ALK: variants seen among roughly 807,000 people sequenced by gnomAD.
ALK encodes ALK tyrosine kinase receptor.
Under a neutral mutation model 163.1 loss-of-function variants are expected in ALK, and 74 were observed. The observed-to-expected ratio is 0.45, with a 90% CI of 0.38 to 0.55. The LOEUF (loss-of-function observed/expected upper bound fraction) is 0.55, where lower values mean the gene tolerates loss of function less well. ALK is among the 20% of genes least tolerant of loss of function. The probability of loss-of-function intolerance (pLI) is 0.00; values close to 1 mark genes in which losing one functional copy is unlikely to be tolerated. For missense variants in ALK, 2,063 were observed against 2,105.3 expected, an observed-to-expected ratio of 0.98 and a Z score of 0.39; for synonymous variants, 960 against 843.2, an observed-to-expected ratio of 1.14 and a Z score of -2.40.
intron 3 of ALK, among the ~76,000 whole-genome samples, chr2:29,601,575 A>G (rs142154475): frequency 1.3e-5 from 2 of 152,208 alleles, no homozygotes; most frequent in East Asian, 3.9e-4. Context: ...TTTTTTCTTC[A>G]GTGTCATGGC....
intron 4 of ALK, among the ~76,000 whole-genome samples, chr2:29,440,254 C>A (rs1176786102): frequency 6.6e-6 from 1 of 151,776 alleles, no homozygotes; most frequent in South Asian, 2.1e-4. Flanking sequence ...ACAAAAAAAA[C>A]CACTAATACA....
chr2:29,391,776 G>A (rs557862570), intron 4 of ALK, among the ~76,000 whole-genome samples: 4 of 152,124 alleles, frequency 2.6e-5, no homozygotes, highest in African/African-American at 7.2e-5. Context: ...TTGGCTGTGT[G>A]ACCTCAGGCC....
chr2:29,566,564 C>T (rs960843589), intron 3 of ALK, among the ~76,000 whole-genome samples: 2 of 152,148 alleles, frequency 1.3e-5, no homozygotes, highest in Non-Finnish European at 2.9e-5. Context: ...TAGGAACATA[C>T]ATTGGTTGGA....
At chr2:29,460,364 AG>A (rs1671056623) in intron 4 of ALK, among the ~76,000 whole-genome samples, 1 of 152,172 alleles carries the variant, frequency 6.6e-6, no homozygotes, top group South Asian at 2.1e-4. Flanking sequence ...TACCCAGCGG[AG>A]GACATAAGTC....
intron 4 of ALK, among the ~76,000 whole-genome samples, chr2:29,476,363 A>G (rs1339485804): frequency 1.3e-5 from 2 of 152,220 alleles, no homozygotes; most frequent in Admixed American, 1.3e-4. Context: ...TACCACAATC[A>G]TTTTAAACAC....
intron 3 of ALK, among the ~76,000 whole-genome samples, chr2:29,538,432 T>C (rs958935470): frequency 3.9e-5 from 6 of 152,214 alleles, no homozygotes; most frequent in African/African-American, 1.4e-4. Flanking sequence ...TCACTTGCTC[T>C]TGCTGTCACT....
chr2:29,327,959 G>A (rs556733989), intron 6 of ALK, among the ~76,000 whole-genome samples: 8 of 152,252 alleles, frequency 5.3e-5, no homozygotes, highest in South Asian at 2.1e-4. Flanking sequence ...CCATACAGCC[G>A]GAGCTGGGGT....
chr2:29,821,709 G>A (rs1394984785), intron 1 of ALK, among the ~76,000 whole-genome samples: 1 of 152,112 alleles, frequency 6.6e-6, no homozygotes, highest in East Asian at 1.9e-4. Context: ...GAAGACCTCT[G>A]GAATGCATTT....
rs142696322 is a variant in ALK, at chr2:29,805,742, G to A, written c.668-88045C>T. ...CCACATTTTCTTTATCCAGTCTATCGTTGATGGGCATTTAGGTTGATTCCA... is the reference window on the plus strand; with the variant it reads ...CCACATTTTCTTTATCCAGTCTATCATTGATGGGCATTTAGGTTGATTCCA... On this transcript the variant is annotated intron_variant, in intron 1 of 28. Coordinates refer to ENST00000389048, the MANE Select transcript of ALK (RefSeq NM_004304.5). Among the ~76,000 whole-genome samples, 1,393 of 152,032 alleles carry A rather than the reference G, an allele frequency of 9.2e-3. 34 individuals carry two copies. In the East Asian group the frequency reaches 0.1, roughly 11 times the overall value.
At chr2:29,623,437 T>A (rs1291243988) in intron 3 of ALK, among the ~76,000 whole-genome samples, 1 of 152,150 alleles carries the variant, frequency 6.6e-6, no homozygotes, top group Non-Finnish European at 1.5e-5. Flanking sequence ...GAAAATGACA[T>A]AAAACACATG....
In ALK at chr2:29,717,594, A is replaced by G. The variant is rs773497455; in HGVS notation, c.771T>C (p.Ser257=). The G allele has an allele frequency of 1.2e-6, 2 of 1,613,978 alleles. No individual in the cohort carries two copies. Among genetic ancestry groups the G allele is most frequent in the African/African-American group, 2.7e-5 (2 of 74,914 alleles). ...WIMKDSFPFL[S]HRSRYGLECS... is the part of the protein sequence containing the mutation. ...TATACTTACCATATCGGCTGCGATG[A>G]GACAGGAAAGGGAAGGAGTCTTTCA... The change falls in exon 2 of 29, where the codon TCT becomes TCC. Residue 257 remains serine (S), a synonymous_variant. Transcript: ENST00000389048.
chr2:29,550,078 C>T (rs1251857318), intron 3 of ALK, among the ~76,000 whole-genome samples: 1 of 152,136 alleles, frequency 6.6e-6, no homozygotes, highest in African/African-American at 2.4e-5. Context: ...CCTTGCTGTT[C>T]TTATCTTTAA....
intron 3 of ALK, among the ~76,000 whole-genome samples, chr2:29,544,395 A>G (rs1034786165): frequency 3.9e-5 from 6 of 152,198 alleles, no homozygotes; most frequent in African/African-American, 1.4e-4. Context: ...TGATATGCCA[A>G]TAAGAGTTGT....
At chr2:29,840,675 A>C (rs759750160) in intron 1 of ALK, among the ~76,000 whole-genome samples, 1 of 152,264 alleles carries the variant, frequency 6.6e-6, no homozygotes, top group Non-Finnish European at 1.5e-5. Context: ...TTCGGGAAAG[A>C]AAGAATTTCA....
intron 1 of ALK, among the ~76,000 whole-genome samples, chr2:29,771,237 C>T (rs1311228843): frequency 6.6e-6 from 1 of 151,844 alleles, no homozygotes; most frequent in African/African-American, 2.4e-5. Flanking sequence ...AACCACAAAA[C>T]AATTCAAAAA....
intron 5 of ALK, among the ~76,000 whole-genome samples, chr2:29,358,600 G>A (rs1025253779): frequency 2.0e-5 from 3 of 152,156 alleles, no homozygotes; most frequent in African/African-American, 7.2e-5. Flanking sequence ...TCTTAAGTTT[G>A]CTCCAGTGTC....
At chr2:29,288,955 A>AAT (rs1553404733) in intron 9 of ALK, among the ~76,000 whole-genome samples, 748 of 26,794 alleles carry the variant, frequency 0.028, 18 homozygotes, top group African/African-American at 0.039. Flanking sequence ...CCTTCTCAAA[A>AAT]AAATAAATAA....
intron 5 of ALK, among the ~76,000 whole-genome samples, chr2:29,341,181 T>C (rs1324474611): frequency 1.3e-5 from 2 of 152,258 alleles, no homozygotes; most frequent in Non-Finnish European, 2.9e-5. Flanking sequence ...CCCCAACTCC[T>C]GTGGCTATGT....
intron 4 of ALK, among the ~76,000 whole-genome samples, chr2:29,442,479 GGTAA>G (rs1016694544): frequency 1.6e-4 from 25 of 152,092 alleles, no homozygotes; most frequent in African/African-American, 6.0e-4. Flanking sequence ...TGAGAGTATT[GGTAA>G]GTGAGACTGG....
Sources: allele counts gnomAD v4.1 joint callset (sites outside exome capture counted in the v4.1 genomes callset), GRCh38; gene constraint gnomAD v4.1.1; transcripts MANE v1.5; gene names NCBI Gene and HGNC (gene_info 2026-07-23, HGNC 2026-07-21).